The following AIG1 variants were observed in gnomAD, a reference collection of about 807,000 sequenced individuals.
The protein encoded by AIG1 is androgen-induced gene 1 protein.
A neutral mutation model predicts 31.4 loss-of-function variants in AIG1; 23 were observed. The observed-to-expected ratio is 0.73, with a 90% CI of 0.53 to 1.04. The LOEUF (loss-of-function observed/expected upper bound fraction) is 1.04. Ranked by LOEUF, AIG1 falls within the 50% of genes least tolerant of loss-of-function variation. The pLI, the probability that AIG1 is intolerant of heterozygous loss-of-function variation, is 0.00. For synonymous variants in AIG1, 100 were observed against 110.5 expected (o/e 0.90, Z 0.60); for missense variants, 274 against 295.0 (o/e 0.93, Z 0.52).
chr6:143,140,897 G>A (rs1432651696), intron 2 of AIG1, among the ~76,000 whole-genome samples: 1 of 152,218 alleles, frequency 6.6e-6, no homozygotes, highest in African/African-American at 2.4e-5. Context: ...CAGGCGCAGA[G>A]CCTCAGCTTT....
rs1318813692 is a variant in AIG1, at chr6:143,291,880, GT to G, written c.515+7658del. Among the ~76,000 whole-genome samples the G allele has an allele frequency of 6.6e-6, 1 of 152,200 alleles. No individual in the cohort carries two copies. Among genetic ancestry groups the G allele is most frequent in the Non-Finnish European group, 1.5e-5 (1 of 68,044 alleles). The stretch of plus-strand genomic sequence containing the variant: ...AATTCAGATTGGCAGTCATTGGAAG[GT>G]TTGGACAGAGACTTGACATGAACTG... On this transcript the variant is annotated intron_variant, in intron 4 of 5. Transcript: ENST00000357847. The surrounding 1 kb of genome is among the most constrained non-coding windows in gnomAD (Gnocchi z 4.2).
intron 3 of AIG1, among the ~76,000 whole-genome samples, chr6:143,245,834 G>A (rs948469895): frequency 3.9e-5 from 6 of 152,106 alleles, no homozygotes; most frequent in Non-Finnish European, 5.9e-5. Context: ...TTTATGAGGC[G>A]GTATAGCTTA....
In AIG1 at chr6:143,202,824, C is replaced by T. The variant is rs188571121; in HGVS notation, c.399+37641C>T. The stretch of plus-strand genomic sequence containing the variant: ...GCAGCATCACAGAGGAGTGGAAGGC[C>T]GCAATCACTAGCGGAGGTGTCCCAG... On this transcript the variant is annotated intron_variant, in intron 3 of 5. Transcript: ENST00000357847. Among the ~76,000 whole-genome samples, 6 of 152,222 alleles carry T rather than the reference C, an allele frequency of 3.9e-5. No homozygotes were observed. In the East Asian group the frequency reaches 5.8e-4, roughly 15 times the overall value.
At chr6:143,239,616 T>C (rs1794083018) in intron 3 of AIG1, among the ~76,000 whole-genome samples, 2 of 152,230 alleles carry the variant, frequency 1.3e-5, no homozygotes, top group Admixed American at 1.3e-4. Context: ...CACATCCATG[T>C]TTATAAGTCT....
At chr6:143,321,576 AG>A (rs1302468577) in intron 4 of AIG1, among the ~76,000 whole-genome samples, 1 of 152,042 alleles carries the variant, frequency 6.6e-6, no homozygotes, top group African/African-American at 2.4e-5. Flanking sequence ...GGGCGACAAG[AG>A]GAAGACTGTA....
chr6:143,295,529 C>A (rs1798365121), intron 4 of AIG1, among the ~76,000 whole-genome samples: 1 of 152,160 alleles, frequency 6.6e-6, no homozygotes, highest in African/African-American at 2.4e-5. Context: ...CTCTGATTGT[C>A]AAAAGCAATA....
intron 3 of AIG1, among the ~76,000 whole-genome samples, chr6:143,194,688 A>G (rs1248571875): frequency 6.6e-6 from 1 of 152,172 alleles, no homozygotes; most frequent in Non-Finnish European, 1.5e-5. Context: ...GTCCCCCAAG[A>G]TGCTGTAACC....
chr6:143,316,965 A>G (rs987896033), intron 4 of AIG1, among the ~76,000 whole-genome samples: 1 of 152,082 alleles, frequency 6.6e-6, no homozygotes, highest in Admixed American at 6.6e-5. Context: ...AGGAAGAAAT[A>G]TAAATGCTGA....
intron 2 of AIG1, among the ~76,000 whole-genome samples, chr6:143,150,193 T>G (rs937921384): frequency 3.3e-5 from 5 of 152,230 alleles, no homozygotes; most frequent in African/African-American, 1.2e-4. Flanking sequence ...AATCTGTCAC[T>G]CAGGCAAACA....
At chr6:143,196,683 C>G (rs868858056) in intron 3 of AIG1, among the ~76,000 whole-genome samples, 5 of 152,160 alleles carry the variant, frequency 3.3e-5, no homozygotes, top group Middle Eastern at 6.8e-3. Flanking sequence ...AAATATGCAT[C>G]TAGGAACCAA....
Position 143,187,135 on chromosome 6 carries a change from G to A in AIG1, c.399+21952G>A, listed in dbSNP as rs146500107. 4.2e-3 allele frequency among the ~76,000 whole-genome samples: 632 copies of A among 152,198 alleles called. 4 individuals carry two copies. Among genetic ancestry groups the A allele is most frequent in the African/African-American group, 0.012 (495 of 41,518 alleles). On this transcript the variant is annotated intron_variant, in intron 3 of 5. Coordinates refer to ENST00000357847, the MANE Select transcript of AIG1 (RefSeq NM_016108.4). ...TTGTATTTTTATTAGCACTGAATTT[G>A]TACTCCTAACAAAAAATTAATGAAA...
intron 3 of AIG1, among the ~76,000 whole-genome samples, chr6:143,169,115 A>G (rs1460268236): frequency 6.6e-6 from 1 of 151,962 alleles, no homozygotes; most frequent in African/African-American, 2.4e-5. Flanking sequence ...ATAAAACTAC[A>G]TGTGACAATG....
chr6:143,085,276 CT>C (rs1239705204), intron 1 of AIG1, among the ~76,000 whole-genome samples: 1 of 152,178 alleles, frequency 6.6e-6, no homozygotes, highest in East Asian at 1.9e-4. Context: ...GCCAGCACCC[CT>C]AGTCATTTTC....
At chr6:143,184,477 T>A (rs1789039649) in intron 3 of AIG1, among the ~76,000 whole-genome samples, 1 of 152,174 alleles carries the variant, frequency 6.6e-6, no homozygotes. Flanking sequence ...AACCCCTCCT[T>A]TAAATCTTGT....
intron 1 of AIG1, among the ~76,000 whole-genome samples, chr6:143,071,624 G>A (rs80161854): frequency 0.018 from 2,711 of 151,572 alleles, 24 homozygotes; most frequent in Non-Finnish European, 0.027. Flanking sequence ...TTTAATTTTA[G>A]CCATTTTAAT....
Position 143,340,257 on chromosome 6 carries a change from CTT to C in AIG1, c.*584_*585del, listed in dbSNP as rs1777801364. 2 of 152,112 alleles carry C rather than the reference CTT, an allele frequency of 1.3e-5. No homozygotes were observed. Among genetic ancestry groups the C allele is most frequent in the Non-Finnish European group, 2.9e-5 (2 of 68,020 alleles). The allele number at this position is 152,112 out of a possible 1,614,324, so 9.4% of individuals were successfully genotyped here. On this transcript the variant is annotated 3_prime_UTR_variant, in exon 6 of 6. Coordinates refer to ENST00000357847, the MANE Select transcript of AIG1 (RefSeq NM_016108.4). ...CATCTCTTGATTTAATCATGTGAAA[CTT>C]TTCCTAGATGCAAATGCTGACTAAT...
At chr6:143,266,457 T>G (rs752149329) in intron 3 of AIG1, among the ~76,000 whole-genome samples, 1 of 152,102 alleles carries the variant, frequency 6.6e-6, no homozygotes, top group South Asian at 2.1e-4. Context: ...TACTGTATTA[T>G]GTACTTGAAA....
chr6:143,252,221 G>A (rs1795057648), intron 3 of AIG1, among the ~76,000 whole-genome samples: 1 of 152,152 alleles, frequency 6.6e-6, no homozygotes. Flanking sequence ...CCATGTTCAA[G>A]CGATTCTCCC....
chr6:143,317,001 T>A (rs1225156510), intron 4 of AIG1, among the ~76,000 whole-genome samples: 2 of 151,922 alleles, frequency 1.3e-5, no homozygotes, highest in African/African-American at 4.8e-5. Flanking sequence ...GCAGTGAGAC[T>A]GAAATGGTAA....
Sources: gnomAD v4.1 joint callset for allele counts (sites outside exome capture counted in the v4.1 genomes callset) on GRCh38, gnomAD v4.1.1 for gene constraint, Gnocchi (gnomAD v3.1) non-coding constraint, MANE v1.5 for transcripts, NCBI Gene and HGNC (gene_info 2026-07-23, HGNC 2026-07-21) for gene names.